Variants in ENSA observed in about 807,000 individuals in gnomAD.
The protein encoded by ENSA is alpha-endosulfine.
A neutral mutation model predicts 16.8 loss-of-function variants in ENSA; 7 were observed. The ratio of observed to expected loss-of-function variants is 0.42; its 90% CI spans 0.24 to 0.78. ENSA has a LOEUF of 0.78. Among genes scored for constraint, ENSA ranks in the 30% least tolerant of loss-of-function variants. The probability of loss-of-function intolerance (pLI) is 0.29; values close to 1 mark genes in which losing one functional copy is unlikely to be tolerated. For synonymous variants in ENSA, 58 were observed against 53.4 expected, an observed-to-expected ratio of 1.09 and a Z score of -0.37; for missense variants, 87 against 142.3, an observed-to-expected ratio of 0.61 and a Z score of 1.98.
intron 2 of ENSA, chr1:150,627,236 C>T: frequency 6.6e-7 from 1 of 1,519,298 alleles, no homozygotes; most frequent in East Asian, 2.3e-5. Context: ...TCCCCACACA[C>T]CCAAATGCTC....
At chr1:150,626,972 G>C (rs1003727236) in intron 2 of ENSA, 1 of 937,206 alleles carries the variant, frequency 1.1e-6, no homozygotes, top group Admixed American at 5.1e-5. Flanking sequence ...GGACCACTCT[G>C]AACAAGAAAA....
At chr1:150,625,272 G>T in intron 3 of ENSA, 1 of 1,003,388 alleles carries the variant, frequency 1.0e-6, no homozygotes, top group Non-Finnish European at 1.2e-6. Flanking sequence ...GCCTTGGGAT[G>T]TTAAACCTGC....
intron 1 of ENSA, chr1:150,628,921 G>T: frequency 1.2e-6 from 1 of 854,162 alleles, no homozygotes; most frequent in Non-Finnish European, 1.9e-6. Context: ...TCTTGAGAAA[G>T]TTGCCGCCTT....
intron 3 of ENSA, chr1:150,624,668 A>C (rs1649179727): frequency 1.0e-6 from 1 of 985,368 alleles, no homozygotes; most frequent in Admixed American, 6.2e-5. Context: ...CTCCTCATGT[A>C]TCCCTCAAAT....
intron 3 of ENSA, chr1:150,623,875 A>C (rs1649125038): frequency 1.0e-6 from 1 of 985,670 alleles, no homozygotes; most frequent in Non-Finnish European, 1.2e-6. Flanking sequence ...ACTTTCTCCT[A>C]TCCAATTTGA....
Position 150,622,769 on chromosome 1 carries a change from G to C in ENSA, c.*75C>G. Reference sequence around the variant, plus strand: ...ACCCCTGGCTGCAAAAGCAGGAAGGGGCAGGAGCCAGCACAGGACCCGGGT... The same window carrying C: ...ACCCCTGGCTGCAAAAGCAGGAAGGCGCAGGAGCCAGCACAGGACCCGGGT... On this transcript the variant is annotated 3_prime_UTR_variant, in exon 4 of 4. Transcript: ENST00000369014. The C allele has an allele frequency of 6.6e-7, 1 of 1,508,988 alleles. No homozygotes were observed. The highest frequency in any genetic ancestry group is 2.2e-5 in the Admixed American group (1 of 44,544). The allele number at this position is 1,508,988 out of a possible 1,614,324, so 93.5% of individuals were successfully genotyped here.
At chr1:150,626,929 T>C in intron 2 of ENSA, 1 of 465,414 alleles carries the variant, frequency 2.1e-6, no homozygotes, top group Non-Finnish European at 2.9e-6. Context: ...AGGAGCTACA[T>C]GGCTATGAAA....
Position 150,622,835 on chromosome 1 carries a change from CGG to C in ENSA, c.*7_*8del. On this transcript the variant is annotated 3_prime_UTR_variant, in exon 4 of 4. Transcript: ENST00000369014. ...AGCGTCTCAGGATCTGGCAGAGCCC[CGG>C]GCAGCATCATTCAACTTGGCCACTG... 1 of 1,532,132 alleles carries C rather than the reference CGG, an allele frequency of 6.5e-7. No individual in the cohort carries two copies. Among genetic ancestry groups the C allele is most frequent in the Non-Finnish European group, 8.8e-7 (1 of 1,136,000 alleles). The allele number at this position is 1,532,132 out of a possible 1,614,324, so 94.9% of individuals were successfully genotyped here.
intron 2 of ENSA, among the ~76,000 whole-genome samples, chr1:150,626,750 G>A (rs1173681559): frequency 1.3e-5 from 2 of 152,178 alleles, no homozygotes; most frequent in African/African-American, 4.8e-5. Flanking sequence ...TAGAGACGGG[G>A]TTTCACTATG....
chr1:150,627,326 C>A (rs1273289159), intron 2 of ENSA, 141 bp downstream of exon 2: 1 of 1,602,848 alleles, frequency 6.2e-7, no homozygotes. Context: ...ATTTGACTTG[C>A]TCTTTTCAAA....
rs1649600117 is a variant in ENSA, at chr1:150,629,577, T to G, written c.-107A>C. 1.4e-6 allele frequency: 2 copies of G among 1,422,272 alleles called. No homozygotes were observed. Among genetic ancestry groups the G allele is most frequent in the Non-Finnish European group, 9.6e-7 (1 of 1,040,642 alleles). 88.1% of individuals were successfully genotyped at this position (1,422,272 alleles called of 1,614,324 possible). A position where few individuals can be genotyped will look rare whatever the true frequency, so the allele number is the denominator to read the frequency against. The stretch of plus-strand genomic sequence containing the variant: ...GCGCTGCTGCTTCGGCTCCTGTCAC[T>G]AGGGTTGCTCAGTCAAAATGGCGGC... On this transcript the variant is annotated 5_prime_UTR_variant, in exon 1 of 4. Coordinates refer to ENST00000369014, the MANE Select transcript of ENSA (RefSeq NM_004436.4).
In ENSA at chr1:150,622,734, C is replaced by A. The variant is rs1032398525; in HGVS notation, c.*110G>T. ...TCTGCCTCTCCAGCCCACACCCGAGCCACCTCCTGACCCCTGGCTGCAAAA... is the reference window on the plus strand; with the variant it reads ...TCTGCCTCTCCAGCCCACACCCGAGACACCTCCTGACCCCTGGCTGCAAAA... On this transcript the variant is annotated 3_prime_UTR_variant, in exon 4 of 4. Coordinates refer to ENST00000369014, the MANE Select transcript of ENSA (RefSeq NM_004436.4). 2.4e-6 allele frequency: 3 copies of A among 1,263,822 alleles called. No homozygotes were observed. The highest frequency in any genetic ancestry group is 1.4e-5 in the South Asian group (1 of 69,198). The allele number at this position is 1,263,822 out of a possible 1,614,324, so 78.3% of individuals were successfully genotyped here. A position where few individuals can be genotyped will look rare whatever the true frequency, so the allele number is the denominator to read the frequency against.
chr1:150,626,835 C>G (rs751021674), intron 2 of ENSA, among the ~76,000 whole-genome samples: 1 of 152,150 alleles, frequency 6.6e-6, no homozygotes, highest in East Asian at 1.9e-4. Context: ...TGAGCCACTG[C>G]GCCTGGCCAA....
chr1:150,623,944 C>G (rs1008980332), intron 3 of ENSA: 280 of 985,296 alleles, frequency 2.8e-4, no homozygotes, highest in Non-Finnish European at 3.3e-4. Context: ...ACCTCATCCC[C>G]CCACATGCAC....
chr1:150,627,880 G>A (rs1649460070), intron 1 of ENSA, among the ~76,000 whole-genome samples: 2 of 152,180 alleles, frequency 1.3e-5, no homozygotes, highest in East Asian at 1.9e-4. Context: ...ATCACAGAGT[G>A]GGCCATATCA....
intron 3 of ENSA, chr1:150,623,192 A>C: frequency 8.9e-7 from 1 of 1,120,750 alleles, no homozygotes; most frequent in Non-Finnish European, 1.1e-6. Flanking sequence ...GCTGTTTCAG[A>C]GGCATGGCCA....
rs769751729 is a variant in ENSA, at chr1:150,622,812, C to T, written c.*32G>A. 4.5e-6 allele frequency: 7 copies of T among 1,554,904 alleles called. No homozygotes were observed. Among genetic ancestry groups the T allele is most frequent in the South Asian group, 2.4e-5 (2 of 84,592 alleles). ...ACCCGGGTGGGGCAGGGAGGGGAAG[C>T]GTCTCAGGATCTGGCAGAGCCCCGG... On this transcript the variant is annotated 3_prime_UTR_variant, in exon 4 of 4. Transcript: ENST00000369014.
At chr1:150,626,558 T>A (rs756264531) in intron 2 of ENSA, 18 of 1,601,138 alleles carry the variant, frequency 1.1e-5, no homozygotes, top group Admixed American at 3.4e-5. Flanking sequence ...GTAAGGAAAA[T>A]AAAAAAATTT....
intron 2 of ENSA, chr1:150,627,159 C>T: frequency 8.1e-6 from 12 of 1,479,216 alleles, no homozygotes; most frequent in Non-Finnish European, 1.1e-5. Context: ...CCTAAAACCT[C>T]CAACATTCAA....
Sources: allele counts gnomAD v4.1 joint callset (sites outside exome capture counted in the v4.1 genomes callset), GRCh38; gene constraint gnomAD v4.1.1; transcripts MANE v1.5; gene names NCBI Gene and HGNC (gene_info 2026-07-23, HGNC 2026-07-21).